CLSTN2: variants seen among roughly 807,000 people sequenced by gnomAD.
CLSTN2 encodes the protein calsyntenin 2, also known as calsyntenin-2.
In CLSTN2, 48 loss-of-function variants were observed where a neutral mutation model predicts 101.2. That is an observed-to-expected ratio of 0.47 (90% CI 0.38 to 0.60). The LOEUF is 0.60. Ranked by LOEUF, CLSTN2 falls within the 20% of genes least tolerant of loss-of-function variation. The pLI is 0.00. For missense variants in CLSTN2, 1,160 were observed against 1,238.2 expected (o/e 0.94, Z 0.95); for synonymous variants, 481 against 463.6 (o/e 1.04, Z -0.48).
intron 1 of CLSTN2, among the ~76,000 whole-genome samples, chr3:140,010,128 C>T (rs1220734159): frequency 1.3e-5 from 2 of 152,142 alleles, no homozygotes; most frequent in Non-Finnish European, 2.9e-5. Flanking sequence ...GTCTTTCCAG[C>T]CTATTTGCAT....
At chr3:140,496,036 T>A (rs1458578262) in intron 8 of CLSTN2, among the ~76,000 whole-genome samples, 1 of 152,224 alleles carries the variant, frequency 6.6e-6, no homozygotes, top group African/African-American at 2.4e-5. Context: ...TAGCATTGAA[T>A]CTATAAATTA....
intron 2 of CLSTN2, among the ~76,000 whole-genome samples, chr3:140,212,629 GC>G: frequency 1.3e-5 from 2 of 152,260 alleles, no homozygotes; most frequent in South Asian, 4.1e-4. Flanking sequence ...GGCCCATAAG[GC>G]CCTTTATTGT....
chr3:140,220,783 T>G (rs1239439013), intron 2 of CLSTN2, among the ~76,000 whole-genome samples: 1 of 152,200 alleles, frequency 6.6e-6, no homozygotes, highest in Non-Finnish European at 1.5e-5. Flanking sequence ...TGTGCTGATT[T>G]GTGATGGGGA....
intron 1 of CLSTN2, among the ~76,000 whole-genome samples, chr3:140,021,635 A>C (rs1360600064): frequency 6.6e-6 from 1 of 152,086 alleles, no homozygotes; most frequent in Non-Finnish European, 1.5e-5. Context: ...AAGGAAGTAC[A>C]CGTGACCACT....
intron 2 of CLSTN2, among the ~76,000 whole-genome samples, chr3:140,365,464 A>G (rs2087776594): frequency 6.6e-6 from 1 of 152,224 alleles, no homozygotes; most frequent in Admixed American, 6.5e-5. Flanking sequence ...CAGAGTTTTC[A>G]AAATCAATCA....
chr3:139,953,862 C>T (rs762499910), intron 1 of CLSTN2, among the ~76,000 whole-genome samples: 1 of 151,854 alleles, frequency 6.6e-6, no homozygotes, highest in Non-Finnish European at 1.5e-5. Context: ...ATCCTTGCCT[C>T]AGGGCCTGCT....
At chr3:140,513,488 T>C (rs1310140023) in intron 8 of CLSTN2, among the ~76,000 whole-genome samples, 1 of 152,126 alleles carries the variant, frequency 6.6e-6, no homozygotes, top group Non-Finnish European at 1.5e-5. Context: ...AGCTTTTAGA[T>C]GTGCTGCTGT....
intron 1 of CLSTN2, among the ~76,000 whole-genome samples, chr3:140,144,184 A>T (rs1440448911): frequency 6.6e-6 from 1 of 152,250 alleles, no homozygotes; most frequent in Non-Finnish European, 1.5e-5. Context: ...GTTATTTCTG[A>T]TGACAGGTAA....
At chr3:139,997,472 C>G (rs1450704037) in intron 1 of CLSTN2, among the ~76,000 whole-genome samples, 1 of 152,184 alleles carries the variant, frequency 6.6e-6, no homozygotes, top group African/African-American at 2.4e-5. Flanking sequence ...TCCCTCCTTT[C>G]TCTTGTGCTG....
rs368661146 is a variant in CLSTN2 at position 140,063,983 on chromosome 3, C to T, written c.110-111968C>T. Among the ~76,000 whole-genome samples, 29 of 152,236 alleles carry T rather than the reference C, an allele frequency of 1.9e-4. No individual in the cohort carries two copies. In the East Asian group the frequency reaches 4.3e-3, roughly 22 times the overall value. ...GTGCTTGTGTTCAATCCCAGAAGCC[C>T]CTGCCAGGGCCTTTGCTTCTGCTGC... On this transcript the variant is annotated intron_variant, in intron 1 of 16. Transcript: ENST00000458420.
At chr3:140,022,591 T>C (rs1560072327) in intron 1 of CLSTN2, among the ~76,000 whole-genome samples, 1 of 152,078 alleles carries the variant, frequency 6.6e-6, no homozygotes, top group Non-Finnish European at 1.5e-5. Flanking sequence ...AAGGGCTGTT[T>C]GGTAAGGCTC....
chr3:140,162,791 G>T (rs1439483822), intron 1 of CLSTN2, among the ~76,000 whole-genome samples: 1 of 152,156 alleles, frequency 6.6e-6, no homozygotes, highest in Non-Finnish European at 1.5e-5. Flanking sequence ...CAAGCATTTT[G>T]CAGTGAATAT....
At chr3:140,099,414 A>G (rs2008928256) in intron 1 of CLSTN2, among the ~76,000 whole-genome samples, 1 of 151,962 alleles carries the variant, frequency 6.6e-6, no homozygotes, top group Admixed American at 6.6e-5. Context: ...TCTCTTCTCC[A>G]TGCATCTCTC....
intron 2 of CLSTN2, among the ~76,000 whole-genome samples, chr3:140,303,177 G>A (rs1009442465): frequency 1.3e-5 from 2 of 152,188 alleles, no homozygotes; most frequent in African/African-American, 4.8e-5. Flanking sequence ...GAACATCTTT[G>A]AGTTCAGCCA....
chr3:140,180,619 T>C (rs999730070), intron 2 of CLSTN2, among the ~76,000 whole-genome samples: 1 of 152,200 alleles, frequency 6.6e-6, no homozygotes, highest in South Asian at 2.1e-4. Context: ...GTGGAGACTT[T>C]TAAATTTCAA....
chr3:140,095,035 T>C (rs967057231), intron 1 of CLSTN2, among the ~76,000 whole-genome samples: 1 of 152,206 alleles, frequency 6.6e-6, no homozygotes, highest in Non-Finnish European at 1.5e-5. Flanking sequence ...ATTTTATTGA[T>C]GGCATGATGC....
chr3:140,498,249 A>G (rs1284516506), intron 8 of CLSTN2, among the ~76,000 whole-genome samples: 1 of 152,198 alleles, frequency 6.6e-6, no homozygotes, highest in Admixed American at 6.5e-5. Context: ...CCGGTCTCCA[A>G]TCAGCCCAAG....
chr3:139,951,461 G>A (rs887011862), intron 1 of CLSTN2, among the ~76,000 whole-genome samples: 4 of 152,156 alleles, frequency 2.6e-5, no homozygotes, highest in African/African-American at 7.2e-5. Context: ...GATCATGTGC[G>A]AGAACATCAT....
rs984725370 is a variant in CLSTN2, at chr3:140,572,593, A to G, written c.*6340A>G. 4 of 152,258 alleles carry G rather than the reference A, an allele frequency of 2.6e-5. No homozygotes were observed. The highest frequency in any genetic ancestry group is 4.8e-5 in the African/African-American group (2 of 41,456). 9.4% of individuals were successfully genotyped at this position (152,258 alleles called of 1,614,324 possible). On this transcript the variant is annotated 3_prime_UTR_variant, in exon 17 of 17. Transcript: ENST00000458420. ...TCCACGAGACCTGCTGAGGGCTTAC[A>G]TTTGGTGCTGAGGAGCAGTGGTTCC...
Sources: gnomAD v4.1 joint callset for allele counts (sites outside exome capture counted in the v4.1 genomes callset) on GRCh38, gnomAD v4.1.1 for gene constraint, MANE v1.5 for transcripts, NCBI Gene and HGNC (gene_info 2026-07-23, HGNC 2026-07-21) for gene names.